The following LONRF1 variants were observed in gnomAD, a reference collection of about 807,000 sequenced individuals.
LONRF1 encodes LON peptidase N-terminal domain and RING finger protein 1.
A neutral mutation model predicts 85.8 loss-of-function variants in LONRF1; 37 were observed. The ratio of observed to expected loss-of-function variants is 0.43; its 90% confidence interval spans 0.33 to 0.57. The LOEUF (loss-of-function observed/expected upper bound fraction) is 0.57, where lower values mean the gene tolerates loss of function less well. Among genes scored for constraint, LONRF1 ranks in the 20% least tolerant of loss-of-function variants. The probability of loss-of-function intolerance (pLI) is 0.04; values close to 1 mark genes in which losing one functional copy is unlikely to be tolerated. For synonymous variants in LONRF1, 517 were observed against 390.1 expected (o/e 1.33, Z -3.83); for missense variants, 1,036 against 978.0 (o/e 1.06, Z -0.79).
At position 12,737,105 on chromosome 8, in the gene LONRF1, G is replaced by A; in HGVS notation, c.1149C>T (p.Val383=). The part of the protein sequence containing the change: ...EEIPEVTSEP[V]KGSLNRAQSA... ...ACTGAGCACGGTTTAAGCTTCCTTTGACAGGCTCTGAAGTGACCTCTGGTA... is the reference window on the plus strand; with the variant it reads ...ACTGAGCACGGTTTAAGCTTCCTTTAACAGGCTCTGAAGTGACCTCTGGTA... Residue 383 remains valine, a synonymous_variant, in exon 5 of 12, where the codon GTC becomes GTT. Coordinates refer to ENST00000398246, the MANE Select transcript of LONRF1 (RefSeq NM_152271.5). 3 of 1,613,388 alleles carry A rather than the reference G, an allele frequency of 1.9e-6. No homozygotes were observed. The highest frequency in any genetic ancestry group is 4.5e-5 in the East Asian group (2 of 44,858).
At chr8:12,745,917 T>C (rs967925592) in intron 1 of LONRF1, among the ~76,000 whole-genome samples, 1 of 152,194 alleles carries the variant, frequency 6.6e-6, no homozygotes, top group African/African-American at 2.4e-5. Flanking sequence ...TTTAACTCCC[T>C]GATCTTTATC....
In LONRF1 at chr8:12,723,002, C is replaced by G; in HGVS notation, c.*94G>C. 5 of 1,207,984 alleles carry G rather than the reference C, an allele frequency of 4.1e-6. No individual in the cohort carries two copies. The highest frequency in any genetic ancestry group is 5.7e-6 in the Non-Finnish European group (5 of 879,348). The allele number at this position is 1,207,984 out of a possible 1,614,324, so 74.8% of individuals were successfully genotyped here. ...GAAAAAGAAAAGTTTCATTAAATTTCTGAAACCAGCACTAGATGTGCAAAG... is the reference window on the plus strand; with the variant it reads ...GAAAAAGAAAAGTTTCATTAAATTTGTGAAACCAGCACTAGATGTGCAAAG... On this transcript the variant is annotated 3_prime_UTR_variant, in exon 12 of 12. Coordinates refer to ENST00000398246, the MANE Select transcript of LONRF1 (RefSeq NM_152271.5).
In LONRF1 at chr8:12,744,483, T is replaced by C. The variant is rs148115753; in HGVS notation, c.722-1201A>G. On this transcript the variant is annotated intron_variant, in intron 1 of 11. Coordinates refer to ENST00000398246, the MANE Select transcript of LONRF1 (RefSeq NM_152271.5). Reference sequence around the variant, plus strand: ...TATCTCTGAACAAAATGCATAAGAATTAAAAGTTCAATATGATTAATCAAT... The same window carrying C: ...TATCTCTGAACAAAATGCATAAGAACTAAAAGTTCAATATGATTAATCAAT... Among the ~76,000 whole-genome samples, 383 of 152,282 alleles carry C rather than the reference T, an allele frequency of 2.5e-3. 2 individuals carry two copies. The highest frequency in any genetic ancestry group is 6.8e-3 in the Middle Eastern group (2 of 294).
At chr8:12,728,080 T>C (rs1798389135) in intron 10 of LONRF1, among the ~76,000 whole-genome samples, 1 of 152,208 alleles carries the variant, frequency 6.6e-6, no homozygotes, top group Non-Finnish European at 1.5e-5. Context: ...CAATATCCAA[T>C]AAATGCTGAC....
At chr8:12,751,278 T>C (rs1799375297) in intron 1 of LONRF1, among the ~76,000 whole-genome samples, 1 of 145,140 alleles carries the variant, frequency 6.9e-6, no homozygotes, top group South Asian at 2.3e-4. Context: ...CAGTCAAGGA[T>C]TATATTTTTA....
intron 1 of LONRF1, among the ~76,000 whole-genome samples, chr8:12,749,994 A>G (rs1799314228): frequency 6.6e-6 from 1 of 152,246 alleles, no homozygotes; most frequent in Admixed American, 6.5e-5. Context: ...GAATAGTAAG[A>G]ATATTTTAGA....
intron 5 of LONRF1, 50 bp from the exon 6 acceptor site, chr8:12,736,847 AC>A: frequency 1.9e-6 from 3 of 1,574,380 alleles, no homozygotes; most frequent in Non-Finnish European, 2.6e-6. Context: ...AACTTTAAAG[AC>A]TATTCTGACT....
chr8:12,741,068 AAAAAC>A, intron 2 of LONRF1, 72 bp from the exon 3 acceptor site: 1 of 1,563,058 alleles, frequency 6.4e-7, no homozygotes, highest in Non-Finnish European at 8.7e-7. Context: ...TCAAGTAAAG[AAAAAC>A]AATAGTCTGC....
chr8:12,747,752 CTCTCTTTTT>C (rs1799221076), intron 1 of LONRF1, among the ~76,000 whole-genome samples: 1 of 147,472 alleles, frequency 6.8e-6, no homozygotes, highest in African/African-American at 2.7e-5. Context: ...ACTGAAATCT[CTCTCTTTTT>C]TTTTTTTTTT....
In LONRF1 at chr8:12,729,215, T is replaced by A. The variant is rs1798436483; in HGVS notation, c.1806A>T (p.Gly602=). Residue 602 remains glycine (G), a synonymous_variant, in exon 9 of 12, where the codon GGA becomes GGT. Transcript: ENST00000398246. ...RLMIRRSIQT[G]TKQFGMCVSD... ...TGACACACATGCCAAACTGTTTGGT[T>A]CCAGTCTGTATACTTCTTCGAATCA... 4 of 1,614,022 alleles carry A rather than the reference T, an allele frequency of 2.5e-6. No individual in the cohort carries two copies. Among genetic ancestry groups the A allele is most frequent in the Non-Finnish European group, 3.4e-6 (4 of 1,179,906 alleles).
chr8:12,753,669 T>C (rs1799503307), intron 1 of LONRF1: 1 of 152,210 alleles, frequency 6.6e-6, no homozygotes, highest in South Asian at 2.1e-4. Flanking sequence ...GGTAGAGAAC[T>C]ACTGATTTAT....
chr8:12,724,074 C>G (rs1806049647), intron 11 of LONRF1, among the ~76,000 whole-genome samples: 1 of 152,170 alleles, frequency 6.6e-6, no homozygotes, highest in African/African-American at 2.4e-5. Context: ...GTAGGCCCCT[C>G]TAGAATCAGA....
At chr8:12,724,314 G>A (rs916543032) in intron 11 of LONRF1, among the ~76,000 whole-genome samples, 1 of 152,150 alleles carries the variant, frequency 6.6e-6, no homozygotes, top group Non-Finnish European at 1.5e-5. Context: ...AGAGCTCCTG[G>A]AAACCCCTTT....
intron 7 of LONRF1, among the ~76,000 whole-genome samples, chr8:12,734,680 T>C (rs1235437121): frequency 6.6e-6 from 1 of 152,186 alleles, no homozygotes; most frequent in African/African-American, 2.4e-5. Context: ...CTCTCTTCTT[T>C]CCAATCTACC....
chr8:12,731,639 C>A, intron 8 of LONRF1, 97 bp downstream of exon 8: 1 of 1,018,168 alleles, frequency 9.8e-7, no homozygotes, highest in Non-Finnish European at 1.4e-6. Flanking sequence ...CTTGACTAGA[C>A]TGAGATGAAC....
At chr8:12,743,075 A>C in intron 2 of LONRF1, 89 bp downstream of exon 2, 1 of 829,640 alleles carries the variant, frequency 1.2e-6, no homozygotes, top group Non-Finnish European at 2.1e-6. Context: ...TCAACCATCT[A>C]CTTTGTTAAA....
chr8:12,750,627 G>C (rs1799342983), intron 1 of LONRF1, among the ~76,000 whole-genome samples: 1 of 152,140 alleles, frequency 6.6e-6, no homozygotes, highest in South Asian at 2.1e-4. Flanking sequence ...TAACCTAGTT[G>C]AGTTACTAAA....
chr8:12,727,650 TAAGTG>T (rs533252340), intron 10 of LONRF1, among the ~76,000 whole-genome samples: 130 of 152,292 alleles, frequency 8.5e-4, no homozygotes, highest in African/African-American at 3.0e-3. Context: ...TCAAATCCAA[TAAGTG>T]AAGACATAAA....
chr8:12,725,255 ATGAAT>A (rs1798246472), intron 11 of LONRF1, among the ~76,000 whole-genome samples: 1 of 152,206 alleles, frequency 6.6e-6, no homozygotes. Context: ...AGAGACAAAA[ATGAAT>A]TGAAGTGGTT....
Sources: allele counts gnomAD v4.1 joint callset (sites outside exome capture counted in the v4.1 genomes callset), GRCh38; gene constraint gnomAD v4.1.1; transcripts MANE v1.5; gene names NCBI Gene and HGNC (gene_info 2026-07-23, HGNC 2026-07-21).